Variants in LRRC4C observed in about 807,000 individuals in gnomAD.
The protein encoded by LRRC4C is leucine-rich repeat-containing protein 4C.
A neutral mutation model predicts 33.6 loss-of-function variants in LRRC4C; 5 were observed. The ratio of observed to expected loss-of-function variants is 0.15; its 90% CI spans 0.08 to 0.31. LRRC4C has a LOEUF of 0.31. Ranked by LOEUF, LRRC4C falls within the 10% of genes least tolerant of loss-of-function variation. The probability of loss-of-function intolerance (pLI) is 1.00; values close to 1 mark genes in which losing one functional copy is unlikely to be tolerated. For missense variants in LRRC4C, 560 were observed against 796.7 expected (o/e 0.70, Z 3.58); for synonymous variants, 329 against 302.0 (o/e 1.09, Z -0.93).
chr11:40,519,199 C>T (rs1461777265), intron 3 of LRRC4C, among the ~76,000 whole-genome samples: 2 of 151,924 alleles, frequency 1.3e-5, no homozygotes, highest in Admixed American at 6.6e-5. Context: ...TGTAACAAAA[C>T]TCGACGTTCT....
At chr11:40,532,322 G>A (rs1320695982) in intron 3 of LRRC4C, among the ~76,000 whole-genome samples, 1 of 151,916 alleles carries the variant, frequency 6.6e-6, no homozygotes, top group Non-Finnish European at 1.5e-5. Flanking sequence ...TGGAACAGCG[G>A]TGATTGTGGT....
rs139867052 is a variant in LRRC4C at position 40,266,026 on chromosome 11, G to T, written c.-175-24428C>A. Among the ~76,000 whole-genome samples, 463 of 152,308 alleles carry T rather than the reference G, an allele frequency of 3.0e-3. 2 individuals are homozygous for T. Among genetic ancestry groups the T allele is most frequent in the African/African-American group, 0.011 (445 of 41,568 alleles). ...TTAAAAAGAAGAGGATGCTGGGCAT[G>T]GTGGCTCATGCCTGTAATTCCAGCA... On this transcript the variant is annotated intron_variant, in intron 4 of 6. Coordinates refer to ENST00000528697, the MANE Select transcript of LRRC4C (RefSeq NM_001258419.2).
At chr11:40,772,052 C>T (rs750739563) in intron 2 of LRRC4C, among the ~76,000 whole-genome samples, 5 of 152,268 alleles carry the variant, frequency 3.3e-5, no homozygotes, top group East Asian at 3.9e-4. Flanking sequence ...ACTTCTTGTA[C>T]CGATTTACTG....
chr11:40,303,825 G>A (rs961736654), intron 4 of LRRC4C, among the ~76,000 whole-genome samples: 1 of 152,148 alleles, frequency 6.6e-6, no homozygotes, highest in Non-Finnish European at 1.5e-5. Context: ...TGGGCTTTTA[G>A]ATTTTACGCT....
intron 5 of LRRC4C, among the ~76,000 whole-genome samples, chr11:40,195,090 CAAAGAAAAAAAA>C (rs1862154734): frequency 7.0e-6 from 1 of 143,098 alleles, no homozygotes; most frequent in East Asian, 2.0e-4. Context: ...GACTCCGTCT[CAAAGAAAAAAAA>C]AAAGAAAGAA....
chr11:41,264,879 A>G (rs1949098735), intron 1 of LRRC4C, among the ~76,000 whole-genome samples: 2 of 152,170 alleles, frequency 1.3e-5, no homozygotes, highest in South Asian at 4.1e-4. Context: ...GTGATGGCAT[A>G]GTCTGACATG....
At chr11:41,121,251 G>A (rs928646913) in intron 1 of LRRC4C, among the ~76,000 whole-genome samples, 13 of 151,840 alleles carry the variant, frequency 8.6e-5, no homozygotes, top group Non-Finnish European at 1.3e-4. Flanking sequence ...TATATCGGTC[G>A]GTCAAAAAGT....
At chr11:40,478,217 C>T (rs572031074) in intron 3 of LRRC4C, among the ~76,000 whole-genome samples, 1 of 152,042 alleles carries the variant, frequency 6.6e-6, no homozygotes, top group Non-Finnish European at 1.5e-5. Flanking sequence ...TCTCTTATTC[C>T]CTATTATCTA....
Position 40,725,002 on chromosome 11 carries a change from C to A in LRRC4C, c.-406-76724G>T, listed in dbSNP as rs540911247. Among the ~76,000 whole-genome samples, 12 of 152,276 alleles carry A rather than the reference C, an allele frequency of 7.9e-5. No homozygotes were observed. In the East Asian group the frequency reaches 1.7e-3, roughly 22 times the overall value. ...GAAGATTCCCTCCCTTACTTTCTTGCCTCCCTTAACAAGCTGACCCATGTA... is the reference window on the plus strand; with the variant it reads ...GAAGATTCCCTCCCTTACTTTCTTGACTCCCTTAACAAGCTGACCCATGTA... On this transcript the variant is annotated intron_variant, in intron 2 of 6. Coordinates refer to ENST00000528697, the MANE Select transcript of LRRC4C (RefSeq NM_001258419.2).
Position 41,300,223 on chromosome 11 carries a change from G to A in LRRC4C, c.-496+159208C>T, listed in dbSNP as rs137947836. Reference sequence around the variant, plus strand: ...TTAATTGCATGTTAAAATTTGTGAGGTACTTTGCTTTACTGGAGAGCTTCA... The same window carrying A: ...TTAATTGCATGTTAAAATTTGTGAGATACTTTGCTTTACTGGAGAGCTTCA... On this transcript the variant is annotated intron_variant, in intron 1 of 6. Coordinates refer to ENST00000528697, the MANE Select transcript of LRRC4C (RefSeq NM_001258419.2). Among the ~76,000 whole-genome samples, 4 of 152,254 alleles carry A rather than the reference G, an allele frequency of 2.6e-5. No homozygotes were observed. The East Asian group carries it at 5.8e-4, about 22-fold the overall frequency.
intron 4 of LRRC4C, among the ~76,000 whole-genome samples, chr11:40,302,113 A>C (rs1944802586): frequency 6.6e-6 from 1 of 152,190 alleles, no homozygotes; most frequent in African/African-American, 2.4e-5. Flanking sequence ...AGATAAAATA[A>C]ATATGCTTGT....
chr11:41,156,576 T>G (rs1035356300), intron 1 of LRRC4C, among the ~76,000 whole-genome samples: 1 of 152,056 alleles, frequency 6.6e-6, no homozygotes, highest in African/African-American at 2.4e-5. Flanking sequence ...GCACTGAAGA[T>G]ATATCAATGA....
At chr11:41,125,229 G>T (rs1356694126) in intron 1 of LRRC4C, among the ~76,000 whole-genome samples, 3 of 152,006 alleles carry the variant, frequency 2.0e-5, no homozygotes, top group Admixed American at 6.6e-5. Flanking sequence ...ATTTTCTGAT[G>T]ATTATCTCTA....
At chr11:40,623,266 C>A (rs1041735848) in intron 3 of LRRC4C, among the ~76,000 whole-genome samples, 2 of 151,550 alleles carry the variant, frequency 1.3e-5, no homozygotes, top group African/African-American at 4.8e-5. Flanking sequence ...ACCTCAAAAA[C>A]CTTTTTTAAA....
At chr11:41,139,003 C>A (rs1179469828) in intron 1 of LRRC4C, among the ~76,000 whole-genome samples, 1 of 151,984 alleles carries the variant, frequency 6.6e-6, no homozygotes, top group African/African-American at 2.4e-5. Flanking sequence ...TGTTTGGAAG[C>A]TATTTGGGAC....
intron 2 of LRRC4C, among the ~76,000 whole-genome samples, chr11:40,728,734 A>G (rs1449872816): frequency 2.0e-5 from 3 of 152,110 alleles, no homozygotes; most frequent in Non-Finnish European, 4.4e-5. Flanking sequence ...ACCTAGGTGC[A>G]CATCAACAGT....
chr11:40,684,396 A>T (rs986239470), intron 2 of LRRC4C, among the ~76,000 whole-genome samples: 2 of 152,080 alleles, frequency 1.3e-5, no homozygotes, highest in Non-Finnish European at 2.9e-5. Flanking sequence ...AATGTTAGTG[A>T]ACTGGAAGAT....
intron 4 of LRRC4C, among the ~76,000 whole-genome samples, chr11:40,256,044 G>A (rs1366692674): frequency 6.6e-6 from 1 of 151,828 alleles, no homozygotes; most frequent in Non-Finnish European, 1.5e-5. Context: ...ACCATCAGTT[G>A]ACTTCACCTT....
At chr11:40,186,150 A>G (rs1367769381) in intron 5 of LRRC4C, among the ~76,000 whole-genome samples, 1 of 152,216 alleles carries the variant, frequency 6.6e-6, no homozygotes, top group Non-Finnish European at 1.5e-5. Flanking sequence ...ATGCTCAGCA[A>G]TAATCTATTG....
Sources: gnomAD v4.1 joint callset for allele counts (sites outside exome capture counted in the v4.1 genomes callset) on GRCh38, gnomAD v4.1.1 for gene constraint, MANE v1.5 for transcripts, NCBI Gene and HGNC (gene_info 2026-07-23, HGNC 2026-07-21) for gene names.